Variants in ZNF160 observed in about 807,000 individuals in gnomAD.
ZNF160 encodes the protein zinc finger protein 160.
A neutral mutation model predicts 13.1 loss-of-function variants in ZNF160; 9 were observed. The observed-to-expected ratio is 0.69, with a 90% CI of 0.41 to 1.20. The LOEUF (loss-of-function observed/expected upper bound fraction) is 1.20, where lower values mean the gene tolerates loss of function less well. Among genes scored for constraint, ZNF160 ranks in the 50% most tolerant of loss-of-function variants. ZNF160 has a pLI of 0.01. For missense variants in ZNF160, 838 were observed against 988.0 expected, an observed-to-expected ratio of 0.85 and a Z score of 2.04; for synonymous variants, 293 against 333.2, an observed-to-expected ratio of 0.88 and a Z score of 1.31.
chr19:53,090,809 G>A (rs756179455), intron 2 of ZNF160, among the ~76,000 whole-genome samples: 5 of 152,224 alleles, frequency 3.3e-5, no homozygotes, highest in African/African-American at 7.2e-5. Context: ...AATGAAGGGC[G>A]AGGCTTAGGG....
At chr19:53,075,496 C>A (rs2084353091) in intron 3 of ZNF160, 2 of 360,836 alleles carry the variant, frequency 5.5e-6, no homozygotes, top group African/African-American at 2.1e-5. Flanking sequence ...ACTGGAAAGG[C>A]TGAGGCTCGG....
intron 3 of ZNF160, among the ~76,000 whole-genome samples, chr19:53,078,804 A>C (rs922062763): frequency 4.2e-4 from 64 of 151,988 alleles, no homozygotes; most frequent in Non-Finnish European, 6.8e-4. Context: ...GCAATCAAAA[A>C]AAAAAAAAAT....
chr19:53,097,302 T>C (rs959307183), intron 1 of ZNF160, among the ~76,000 whole-genome samples: 1 of 144,452 alleles, frequency 6.9e-6, no homozygotes, highest in African/African-American at 2.6e-5. Context: ...GGGACCCTGA[T>C]AATCACTCCC....
Position 53,067,016 on chromosome 19 carries a change from G to C in ZNF160, c.*1061C>G, listed in dbSNP as rs2083991216. The C allele has an allele frequency of 6.6e-6, 1 of 152,020 alleles. No individual in the cohort carries two copies. The highest frequency in any genetic ancestry group is 2.1e-4 in the South Asian group (1 of 4,814). 9.4% of individuals were successfully genotyped at this position (152,020 alleles called of 1,614,324 possible). ...GGCTGGTCTCGAACTCCCGACCTCA[G>C]GTGATCCACCTGCCTCAGCCTCCCA... On this transcript the variant is annotated 3_prime_UTR_variant, in exon 6 of 6. Coordinates refer to ENST00000683776, the MANE Select transcript of ZNF160 (RefSeq NM_001322131.2).
intron 2 of ZNF160, among the ~76,000 whole-genome samples, chr19:53,089,010 A>G (rs559198960): frequency 2.6e-5 from 4 of 152,346 alleles, no homozygotes; most frequent in African/African-American, 9.6e-5. Context: ...CTGGCTGTTC[A>G]TCTGTGTCCT....
intron 3 of ZNF160, 177 bp from the exon 4 acceptor site, chr19:53,075,360 A>G (rs1197135667): frequency 5.7e-6 from 4 of 695,844 alleles, no homozygotes; most frequent in African/African-American, 1.8e-5. Flanking sequence ...CTGACATAAG[A>G]GCTCACTTGA....
Position 53,068,728 on chromosome 19 carries a change from A to G in ZNF160, c.1806T>C (p.Phe602=), listed in dbSNP as rs2084052049. ...PYKCNDCGRA[F]SDRSSLTFHQ... ...GAAAAGTTAGGCTTGAACGATCACT[A>G]AAGGCTCTGCCACAGTCATTACACT... is the stretch of plus-strand genomic sequence containing the variant. The change falls in exon 6 of 6, where the codon TTT becomes TTC. Residue 602 remains phenylalanine (F), a synonymous_variant. Transcript: ENST00000683776. The G allele has an allele frequency of 1.2e-6, 2 of 1,614,012 alleles. No homozygotes were observed. The highest frequency in any genetic ancestry group is 2.7e-5 in the African/African-American group (2 of 74,900).
intron 5 of ZNF160, among the ~76,000 whole-genome samples, chr19:53,071,805 A>G (rs1177965422): frequency 1.3e-5 from 2 of 152,164 alleles, no homozygotes; most frequent in African/African-American, 4.8e-5. Flanking sequence ...CCAAAAACAT[A>G]TGGCTATCTC....
chr19:53,090,769 A>G (rs2085004623), intron 2 of ZNF160, among the ~76,000 whole-genome samples: 1 of 152,142 alleles, frequency 6.6e-6, no homozygotes, highest in South Asian at 2.1e-4. Flanking sequence ...ACTCTCTTGC[A>G]CCGGAGCTGC....
In ZNF160 at chr19:53,103,148, C is replaced by G. The variant is rs531044032; in HGVS notation, c.-354+117G>C. ...AATCCTGCTTAAACGTTTAAAAAACCGGGAAAGGCCGTGTTTACTTGGCCC... is the reference window on the plus strand; with the variant it reads ...AATCCTGCTTAAACGTTTAAAAAACGGGGAAAGGCCGTGTTTACTTGGCCC... On this transcript the variant is annotated intron_variant, in intron 1 of 5. Transcript: ENST00000683776. The G allele has an allele frequency of 3.4e-3, 510 of 152,096 alleles. 2 individuals are homozygous for G. The highest frequency in any genetic ancestry group is 0.012 in the African/African-American group (495 of 41,500). 9.4% of individuals were successfully genotyped at this position (152,096 alleles called of 1,614,324 possible).
intron 5 of ZNF160, among the ~76,000 whole-genome samples, chr19:53,070,560 G>A (rs1245853349): frequency 2.0e-5 from 3 of 151,906 alleles, no homozygotes; most frequent in African/African-American, 4.8e-5. Context: ...ACAGGCGCCC[G>A]CCACCACGCC....
chr19:53,083,533 G>C (rs2084714262), intron 3 of ZNF160, among the ~76,000 whole-genome samples: 1 of 152,150 alleles, frequency 6.6e-6, no homozygotes, highest in Non-Finnish European at 1.5e-5. Flanking sequence ...ATTGAGAAAG[G>C]GGTAAGCAAC....
intron 3 of ZNF160, among the ~76,000 whole-genome samples, chr19:53,084,255 A>G (rs539594531): frequency 7.5e-4 from 114 of 152,320 alleles, no homozygotes; most frequent in Admixed American, 1.2e-3. Context: ...TTAGGGGGAC[A>G]CCCACCTGCT....
In ZNF160 at chr19:53,085,791, G is replaced by A. The variant is rs1568493884; in HGVS notation, c.15+471C>T. 1.1e-5 allele frequency: 5 copies of A among 440,552 alleles called. 1 individual carries two copies. The highest frequency in any genetic ancestry group is 2.0e-5 in the Non-Finnish European group (5 of 247,296). 27.3% of individuals were successfully genotyped at this position (440,552 alleles called of 1,614,324 possible). ...TCCCAGTCTTTACGAGTTTGGAGTC[G>A]GAAATCCAATGACTCACTTGTTCGG... On this transcript the variant is annotated intron_variant, in intron 3 of 5. Transcript: ENST00000683776.
At chr19:53,091,896 C>T (rs759122089) in intron 1 of ZNF160, among the ~76,000 whole-genome samples, 176 bp from the exon 2 acceptor site, 1 of 152,220 alleles carries the variant, frequency 6.6e-6, no homozygotes, top group Admixed American at 6.5e-5. Context: ...ACCTCGGTTC[C>T]AGAGCAGGGC....
Position 53,093,008 on chromosome 19 carries a change from T to C in ZNF160, c.-353-1288A>G, listed in dbSNP as rs144974559. On this transcript the variant is annotated intron_variant, in intron 1 of 5. Transcript: ENST00000683776. Reference sequence around the variant, plus strand: ...AAAGAAATGATTTGATTTTGGATCTTTTCATTAAATTGAGAATAGTAGGGG... The same window carrying C: ...AAAGAAATGATTTGATTTTGGATCTCTTCATTAAATTGAGAATAGTAGGGG... Among the ~76,000 whole-genome samples the C allele has an allele frequency of 1.8e-4, 27 of 152,346 alleles. No homozygotes were observed. In the East Asian group the frequency reaches 5.2e-3, roughly 29 times the overall value.
intron 5 of ZNF160, among the ~76,000 whole-genome samples, chr19:53,071,809 C>A (rs1319976742): frequency 6.6e-6 from 1 of 152,078 alleles, no homozygotes; most frequent in African/African-American, 2.4e-5. Flanking sequence ...AAACATATGG[C>A]TATCTCAATT....
intron 2 of ZNF160, 78 bp from the exon 3 acceptor site, chr19:53,086,399 A>G: frequency 7.8e-7 from 1 of 1,275,402 alleles, no homozygotes; most frequent in South Asian, 1.7e-5. Context: ...GAATCTATAC[A>G]TCCCCTTCAT....
In ZNF160 at chr19:53,069,029, A is replaced by C. The variant is rs2084065147; in HGVS notation, c.1505T>G (p.Ile502Ser). ...QNSQLANHRR[I>S]HTGEKPYKCN... ...CTTGTAAGGTTTCTCTCCAGTATGA[A>C]TTCTTCGATGATTTGCAAGTTGTGA... Residue 502 changes from isoleucine to serine, a missense_variant, in exon 6 of 6, where the codon ATT becomes AGT. Ile to Ser is a moderately radical substitution (Grantham distance 142, BLOSUM62 -2). Coordinates refer to ENST00000683776, the MANE Select transcript of ZNF160 (RefSeq NM_001322131.2). The surrounding 1 kb of genome is among the most constrained non-coding windows in gnomAD (Gnocchi z 4.4). 6.2e-7 allele frequency: 1 copy of C among 1,614,098 alleles called. No homozygotes were observed. The highest frequency in any genetic ancestry group is 8.5e-7 in the Non-Finnish European group (1 of 1,180,050).
Sources: allele counts gnomAD v4.1 joint callset (sites outside exome capture counted in the v4.1 genomes callset), GRCh38; gene constraint gnomAD v4.1.1; non-coding constraint Gnocchi (gnomAD v3.1); transcripts MANE v1.5; gene names NCBI Gene and HGNC (gene_info 2026-07-23, HGNC 2026-07-21).